Variants in FGGY observed in about 807,000 individuals in gnomAD.
The protein encoded by FGGY is FGGY carbohydrate kinase domain containing.
Under a neutral mutation model 71.3 loss-of-function variants are expected in FGGY, and 72 were observed. The ratio of observed to expected loss-of-function variants is 1.01; its 90% confidence interval spans 0.84 to 1.23. The LOEUF (loss-of-function observed/expected upper bound fraction) is 1.23. Among genes scored for constraint, FGGY ranks in the 50% most tolerant of loss-of-function variants. The probability of loss-of-function intolerance (pLI) is 0.00; values close to 1 mark genes in which losing one functional copy is unlikely to be tolerated. For missense variants in FGGY, 668 were observed against 682.3 expected (o/e 0.98, Z 0.23); for synonymous variants, 251 against 250.3 (o/e 1.00, Z -0.02).
At chr1:59,633,306 G>A (rs925757441) in intron 10 of FGGY, among the ~76,000 whole-genome samples, 9 of 152,150 alleles carry the variant, frequency 5.9e-5, no homozygotes, top group Non-Finnish European at 1.5e-5. Context: ...CACTGCGCCC[G>A]ACCTATTATA....
Position 59,703,621 on chromosome 1 carries a change from G to A in FGGY, c.1512+29488G>A, listed in dbSNP as rs187310710. Among the ~76,000 whole-genome samples, 174 of 152,294 alleles carry A rather than the reference G, an allele frequency of 1.1e-3. 2 individuals carry two copies. The highest frequency in any genetic ancestry group is 3.9e-3 in the African/African-American group (164 of 41,560). The stretch of plus-strand genomic sequence containing the variant: ...TGGGAAATAAGCTCTCCTTCCCTGG[G>A]CATCTACTTCTAACTTGCAGAAGAA... On this transcript the variant is annotated intron_variant, in intron 14 of 15. Coordinates refer to ENST00000303721, the MANE Select transcript of FGGY (RefSeq NM_018291.5).
chr1:59,321,813 A>G (rs1212059369), intron 2 of FGGY, 63 bp downstream of exon 2: 23 of 1,507,596 alleles, frequency 1.5e-5, no homozygotes, highest in South Asian at 1.2e-5. Flanking sequence ...TCGTGTGTCA[A>G]TCTGGTGCCG....
rs1390202848 is a variant in FGGY, at chr1:59,626,039, G to A, written c.1063G>A (p.Ala355Thr). The change falls in exon 10 of 16, where the codon GCC becomes ACC. Residue 355 changes from alanine (A) to threonine (T), a missense_variant. By Grantham distance (58) the Ala-to-Thr change is moderately conservative. Coordinates refer to ENST00000303721, the MANE Select transcript of FGGY (RefSeq NM_018291.5). ...HAAFPELQVK[A>T]TARCQSIYAY... ...TGCTTTTCCAGAACTACAAGTAAAG[G>A]CCACAGCCAGGTAACTGCTGTCTCT... 7.4e-6 allele frequency: 12 copies of A among 1,613,134 alleles called. No individual in the cohort carries two copies. The highest frequency in any genetic ancestry group is 1.0e-5 in the Non-Finnish European group (12 of 1,179,486).
At chr1:59,533,672 T>C (rs1054298318) in intron 7 of FGGY, among the ~76,000 whole-genome samples, 70 of 152,174 alleles carry the variant, frequency 4.6e-4, no homozygotes, top group Admixed American at 2.8e-3. Context: ...ACTGCCTCCT[T>C]AAGTGGGTCC....
At position 59,651,754 on chromosome 1, in the gene FGGY, T is replaced by C. The variant is rs2097163937; in HGVS notation, c.1222-8465T>C. ...ATTGGAGAATTTAGTCCATTTACAT[T>C]TAAACTTAATATTGTTATGTGTGAA... On this transcript the variant is annotated intron_variant, in intron 11 of 15. Transcript: ENST00000303721. Among the ~76,000 whole-genome samples, 3 of 150,848 alleles carry C rather than the reference T, an allele frequency of 2.0e-5. No homozygotes were observed. In the South Asian group the frequency reaches 6.3e-4, roughly 31 times the overall value.
At chr1:59,422,398 A>AT (rs2153446687) in intron 5 of FGGY, among the ~76,000 whole-genome samples, 1 of 152,138 alleles carries the variant, frequency 6.6e-6, no homozygotes, top group Non-Finnish European at 1.5e-5. Context: ...TTTAATTGTT[A>AT]TTTTGACTTG....
At chr1:59,488,549 T>TTA (rs879691810) in intron 6 of FGGY, among the ~76,000 whole-genome samples, 2 of 148,266 alleles carry the variant, frequency 1.3e-5, no homozygotes, top group Admixed American at 1.4e-4. Flanking sequence ...TATGTATATA[T>TTA]TATATATATT....
intron 14 of FGGY, among the ~76,000 whole-genome samples, chr1:59,737,446 G>T (rs2098115582): frequency 6.6e-6 from 1 of 152,250 alleles, no homozygotes; most frequent in Admixed American, 6.5e-5. Context: ...GTACCCTGCA[G>T]ATCCAAAGCG....
At chr1:59,436,075 C>G (rs984713137) in intron 5 of FGGY, among the ~76,000 whole-genome samples, 14 of 152,116 alleles carry the variant, frequency 9.2e-5, no homozygotes, top group African/African-American at 2.7e-4. Flanking sequence ...GCCTCCCTAC[C>G]GCGCTCAGGT....
Position 59,422,766 on chromosome 1 carries a change from G to A in FGGY, c.555-34195G>A, listed in dbSNP as rs12561815. 3.7e-3 allele frequency among the ~76,000 whole-genome samples: 564 copies of A among 151,918 alleles called. 14 individuals are homozygous for A. The East Asian group carries it at 0.054, about 14-fold the overall frequency. ...ATAGCAGTTATTATATAAGCACTAGGTAAATATTAATAAATGGCAAATACT... is the reference window on the plus strand; with the variant it reads ...ATAGCAGTTATTATATAAGCACTAGATAAATATTAATAAATGGCAAATACT... On this transcript the variant is annotated intron_variant, in intron 5 of 15. Transcript: ENST00000303721.
At position 59,346,300 on chromosome 1, in the gene FGGY, G is replaced by T; in HGVS notation, c.367G>T (p.Val123Phe). ...MWLDHRAVSQ[V>F]NRINETKHSV... ...GCTGGACCATCGAGCAGTCAGTCAA[G>T]TTAACAGGATCAATGAGACCAAGCA... The change falls in exon 4 of 16, where the codon GTT becomes TTT. Residue 123 changes from valine (V) to phenylalanine (F), a missense_variant. This residue lies in a region of FGGY where 661 missense variants were observed against 661.6 expected (regional missense o/e 1.00). Transcript: ENST00000303721. 1 of 1,612,626 alleles carries T rather than the reference G, an allele frequency of 6.2e-7. No individual in the cohort carries two copies.
intron 7 of FGGY, among the ~76,000 whole-genome samples, chr1:59,520,067 A>G (rs1267939398): frequency 6.6e-6 from 1 of 152,222 alleles, no homozygotes; most frequent in Non-Finnish European, 1.5e-5. Flanking sequence ...ACCCCCTGCA[A>G]CAAAGAATTA....
At chr1:59,567,138 A>G (rs941430519) in intron 8 of FGGY, among the ~76,000 whole-genome samples, 12 of 152,164 alleles carry the variant, frequency 7.9e-5, no homozygotes, top group African/African-American at 2.2e-4. Context: ...ATGGAGTGAA[A>G]GGCTGGGCAG....
At chr1:59,556,821 G>A (rs569693044) in intron 8 of FGGY, among the ~76,000 whole-genome samples, 7 of 152,222 alleles carry the variant, frequency 4.6e-5, no homozygotes, top group Admixed American at 3.3e-4. Flanking sequence ...TGATGTAAAC[G>A]GCTCACATGA....
chr1:59,342,025 T>C (rs1004248188), intron 3 of FGGY, among the ~76,000 whole-genome samples: 3 of 152,140 alleles, frequency 2.0e-5, no homozygotes, highest in African/African-American at 7.2e-5. Flanking sequence ...ACAAGAGCCA[T>C]GTTAGAGAGC....
At chr1:59,698,934 G>C in intron 14 of FGGY, 1 of 985,260 alleles carries the variant, frequency 1.0e-6, no homozygotes, top group Non-Finnish European at 1.2e-6. Context: ...TAGCAGCCAG[G>C]TATTATTTAA....
intron 5 of FGGY, among the ~76,000 whole-genome samples, chr1:59,414,112 G>C (rs926102186): frequency 2.0e-5 from 3 of 152,214 alleles, no homozygotes; most frequent in African/African-American, 7.2e-5. Flanking sequence ...ACATTTGTTT[G>C]TACTAGTTAA....
intron 5 of FGGY, among the ~76,000 whole-genome samples, chr1:59,416,427 C>A (rs1248061239): frequency 2.0e-5 from 3 of 152,098 alleles, no homozygotes; most frequent in African/African-American, 7.2e-5. Flanking sequence ...TTTATGATGA[C>A]AATAATCATA....
At chr1:59,560,035 CG>C (rs1394355577) in intron 8 of FGGY, among the ~76,000 whole-genome samples, 3 of 151,974 alleles carry the variant, frequency 2.0e-5, no homozygotes, top group Non-Finnish European at 4.4e-5. Flanking sequence ...GTATGGAAAA[CG>C]GGGGAAGAGT....
Sources: allele counts gnomAD v4.1 joint callset (sites outside exome capture counted in the v4.1 genomes callset), GRCh38; gene constraint gnomAD v4.1.1; regional missense constraint gnomAD v4.1.1; transcripts MANE v1.5; gene names NCBI Gene and HGNC (gene_info 2026-07-23, HGNC 2026-07-21).